TP53BP1: variants seen among roughly 807,000 people sequenced by gnomAD.
The protein encoded by TP53BP1 is tumor protein p53 binding protein 1.
A neutral mutation model predicts 200.8 loss-of-function variants in TP53BP1; 61 were observed. The observed-to-expected ratio is 0.30, with a 90% CI of 0.25 to 0.38. The LOEUF is 0.38. Ranked by LOEUF, TP53BP1 falls within the 10% of genes least tolerant of loss-of-function variation. TP53BP1 has a pLI of 1.00. For synonymous variants in TP53BP1, 822 were observed against 844.3 expected (o/e 0.97, Z 0.46); for missense variants, 2,144 against 2,371.9 (o/e 0.90, Z 2.00).
In TP53BP1 at chr15:43,506,700, T is replaced by G. The variant is rs965491300; in HGVS notation, c.-9+3670A>C. 3.3e-5 allele frequency among the ~76,000 whole-genome samples: 5 copies of G among 152,192 alleles called. No homozygotes were observed. The South Asian group carries it at 1.0e-3, about 31-fold the overall frequency. On this transcript the variant is annotated intron_variant, in intron 1 of 27. Transcript: ENST00000263801. ...ATACTTGGTCATTCCAGGGGGTCAA[T>G]AGTTAAATGAAACAAAACAGGAGGC...
At chr15:43,480,046 A>G in intron 5 of TP53BP1, 29 bp from the exon 6 acceptor site, 1 of 1,606,424 alleles carries the variant, frequency 6.2e-7, no homozygotes. Context: ...GAAATTAGGT[A>G]TCATCCCACA....
rs1381853913 is a variant in TP53BP1, at chr15:43,456,805, G to A, written c.1803C>T (p.Asp601=). The A allele has an allele frequency of 5.6e-6, 9 of 1,613,908 alleles. No homozygotes were observed. The highest frequency in any genetic ancestry group is 7.6e-6 in the Non-Finnish European group (9 of 1,180,032). The change falls in exon 12 of 28, where the codon GAC becomes GAT. Residue 601 remains aspartate (D), a synonymous_variant. Transcript: ENST00000382044. ...TKGDDTDTRD[D]ISILATGCKG... is the part of the protein sequence containing the mutation. ...TGCAACCAGTGGCTAAAATACTAAT[G>A]TCATCCCTGGTGTCTGTATCATCTC...
chr15:43,426,143 A>G (rs1057053298), intron 18 of TP53BP1, among the ~76,000 whole-genome samples: 2 of 152,024 alleles, frequency 1.3e-5, no homozygotes, highest in African/African-American at 4.8e-5. Flanking sequence ...TATTTGGTAT[A>G]CACAAAGAAT....
Position 43,508,189 on chromosome 15 carries a change from G to A in TP53BP1, c.-9+2181C>T, listed in dbSNP as rs1199434041. Reference sequence around the variant, plus strand: ...AGTATGGCCAACATGGTGAAACCCCGTCTCTACTAAAACTACAAAAATTAG... The same window carrying A: ...AGTATGGCCAACATGGTGAAACCCCATCTCTACTAAAACTACAAAAATTAG... On this transcript the variant is annotated intron_variant, in intron 1 of 27. Transcript: ENST00000263801. 5.3e-5 allele frequency among the ~76,000 whole-genome samples: 8 copies of A among 152,094 alleles called. No individual in the cohort carries two copies. In the East Asian group the frequency reaches 7.7e-4, roughly 15 times the overall value.
upstream of TP53BP1, among the ~76,000 whole-genome samples, chr15:43,495,169 C>T (rs2140165905): frequency 6.7e-6 from 1 of 149,958 alleles, no homozygotes; most frequent in East Asian, 2.0e-4. Flanking sequence ...CCAGCCTGGG[C>T]AAGAGAGTGA....
chr15:43,462,204 G>A (rs544008984), intron 11 of TP53BP1, among the ~76,000 whole-genome samples: 16 of 80,380 alleles, frequency 2.0e-4, no homozygotes, highest in East Asian at 8.0e-4. Flanking sequence ...CGTGGAGAGC[G>A]AGACTTCATC....
intron 16 of TP53BP1, among the ~76,000 whole-genome samples, chr15:43,435,836 C>A (rs1361244472): frequency 1.3e-5 from 2 of 152,048 alleles, no homozygotes; most frequent in Non-Finnish European, 2.9e-5. Context: ...GCTGAGACTA[C>A]AAGCGTGGAC....
At chr15:43,461,032 AT>A (rs1169389670) in intron 11 of TP53BP1, among the ~76,000 whole-genome samples, 1 of 151,934 alleles carries the variant, frequency 6.6e-6, no homozygotes, top group African/African-American at 2.4e-5. Context: ...AAGGTTCAAC[AT>A]TTCTAAATGG....
At chr15:43,485,353 G>A (rs1044829093) in intron 4 of TP53BP1, among the ~76,000 whole-genome samples, 30 of 151,992 alleles carry the variant, frequency 2.0e-4, no homozygotes, top group South Asian at 1.2e-3. Context: ...TGAGGCGGGC[G>A]GATCACGAGG....
intron 15 of TP53BP1, 111 bp downstream of exon 15, chr15:43,441,415 G>C (rs1197647420): frequency 2.6e-6 from 2 of 755,720 alleles, no homozygotes; most frequent in East Asian, 2.5e-5. Context: ...CTTTATGAAA[G>C]AGTCTCATTT....
intron 4 of TP53BP1, among the ~76,000 whole-genome samples, chr15:43,483,418 C>T (rs1258397678): frequency 6.6e-6 from 1 of 152,120 alleles, no homozygotes; most frequent in African/African-American, 2.4e-5. Context: ...TTACTTTCCA[C>T]ATGATGTCAA....
At chr15:43,480,051 C>T (rs1298938736) in intron 5 of TP53BP1, 34 bp from the exon 6 acceptor site, 2 of 1,601,518 alleles carry the variant, frequency 1.2e-6, no homozygotes, top group African/African-American at 2.7e-5. Flanking sequence ...TAGGTATCAT[C>T]CCACAACATT....
At chr15:43,431,175 C>T (rs1043750971) in intron 17 of TP53BP1, among the ~76,000 whole-genome samples, 31 of 152,160 alleles carry the variant, frequency 2.0e-4, no homozygotes, top group African/African-American at 7.0e-4. Flanking sequence ...TTACTCAGAA[C>T]AGCACAGTAT....
At chr15:43,414,314 G>T (rs772508116) in intron 23 of TP53BP1, among the ~76,000 whole-genome samples, 1 of 152,174 alleles carries the variant, frequency 6.6e-6, no homozygotes, top group Non-Finnish European at 1.5e-5. Context: ...CATAAGGATT[G>T]TATGTGAGGT....
At chr15:43,477,107 T>C (rs1173627047) in intron 8 of TP53BP1, among the ~76,000 whole-genome samples, 1 of 152,132 alleles carries the variant, frequency 6.6e-6, no homozygotes, top group East Asian at 1.9e-4. Context: ...AAGACCATCA[T>C]GGCTAACACA....
At position 43,422,134 on chromosome 15, in the gene TP53BP1, G is replaced by GA; in HGVS notation, c.3829-9dup. On this transcript the variant is annotated splice_polypyrimidine_tract_variant and intron_variant, in intron 18 of 27. Coordinates refer to ENST00000382044, the MANE Select transcript of TP53BP1 (RefSeq NM_001141980.3). ...AATTGGCTCTTCAGTCTCCTGCAAG[G>GA]AAAAAATAGATACAGAAGATAAAAG... 3 of 1,606,508 alleles carry GA rather than the reference G, an allele frequency of 1.9e-6. No individual in the cohort carries two copies. Among genetic ancestry groups the GA allele is most frequent in the Non-Finnish European group, 2.5e-6 (3 of 1,177,678 alleles).
chr15:43,480,878 A>C lies in TP53BP1; in HGVS notation c.499+17T>G. ...AAGTTAGAACAGTCTATTATTCTGAAAAAAGCACAAGGCTACCTTCAGCAC... is the reference window on the plus strand; with the variant it reads ...AAGTTAGAACAGTCTATTATTCTGACAAAAGCACAAGGCTACCTTCAGCAC... On this transcript the variant is annotated intron_variant, in intron 5 of 27. Transcript: ENST00000382044. The C allele has an allele frequency of 6.2e-7, 1 of 1,613,944 alleles. No individual in the cohort carries two copies. The highest frequency in any genetic ancestry group is 8.5e-7 in the Non-Finnish European group (1 of 1,179,908).
At chr15:43,490,401 T>G (rs1223399651) in intron 4 of TP53BP1, among the ~76,000 whole-genome samples, 3 of 151,970 alleles carry the variant, frequency 2.0e-5, no homozygotes, top group African/African-American at 7.3e-5. Flanking sequence ...TTTTTTTTTC[T>G]TTTGTAGAGA....
In TP53BP1 at chr15:43,403,465, A is replaced by G. The variant is rs569147914; in HGVS notation, c.*3918T>C. ...ATTGGAGGTTTGGTGCAGGGCTAAG[A>G]GAGTAATACTCGCTTAGCCAGGAAA... On this transcript the variant is annotated 3_prime_UTR_variant, in exon 28 of 28. Transcript: ENST00000382044. 40 of 486,190 alleles carry G rather than the reference A, an allele frequency of 8.2e-5. No homozygotes were observed. The highest frequency in any genetic ancestry group is 7.6e-4 in the African/African-American group (39 of 51,354). The allele number at this position is 486,190 out of a possible 1,614,324, so 30.1% of individuals were successfully genotyped here. A position where few individuals can be genotyped will look rare whatever the true frequency, so the allele number is the denominator to read the frequency against.
Sources: allele counts gnomAD v4.1 joint callset (sites outside exome capture counted in the v4.1 genomes callset), GRCh38; gene constraint gnomAD v4.1.1; transcripts MANE v1.5; gene names NCBI Gene and HGNC (gene_info 2026-07-23, HGNC 2026-07-21).